INPP5A: variants seen among roughly 807,000 people sequenced by gnomAD.
The protein encoded by INPP5A is inositol polyphosphate-5-phosphatase A.
In INPP5A, 14 loss-of-function variants were observed where a neutral mutation model predicts 65.2. The observed-to-expected ratio is 0.21, with a 90% CI of 0.14 to 0.34. The LOEUF (loss-of-function observed/expected upper bound fraction) is 0.34. Ranked by LOEUF, INPP5A falls within the 10% of genes least tolerant of loss-of-function variation. The pLI is 1.00. For synonymous variants in INPP5A, 207 were observed against 208.3 expected (o/e 0.99, Z 0.05); for missense variants, 431 against 545.6 (o/e 0.79, Z 2.09).
At chr10:132,749,421 C>T (rs1846430801) in intron 9 of INPP5A, 96 bp from the exon 10 acceptor site, 1 of 1,122,646 alleles carries the variant, frequency 8.9e-7, no homozygotes, top group South Asian at 1.4e-5. Context: ...CTGTCTGGAA[C>T]CAGCCATCCT....
At chr10:132,573,921 T>C (rs59993422) in intron 1 of INPP5A, among the ~76,000 whole-genome samples, 5,558 of 106,078 alleles carry the variant, frequency 0.052, 332 homozygotes, top group South Asian at 0.091. Flanking sequence ...GTGTGTGTGC[T>C]GTGTGAGGTT....
rs1257320878 is a variant in INPP5A, at chr10:132,575,205, C to T, written c.76-32710C>T. Among the ~76,000 whole-genome samples the T allele has an allele frequency of 1.3e-5, 2 of 152,212 alleles. No individual in the cohort carries two copies. The highest frequency in any genetic ancestry group is 4.8e-5 in the African/African-American group (2 of 41,444). On this transcript the variant is annotated intron_variant, in intron 1 of 15. Coordinates refer to ENST00000368594, the MANE Select transcript of INPP5A (RefSeq NM_005539.5). This position sits in a 1 kb window ranked among gnomAD's most constrained non-coding sequence, Gnocchi z 5.4. ...AGGCTGGCGTTTGCACCGGCCTGGACACATCGCAACCCTGACCTGTGTGCT... is the reference window on the plus strand; with the variant it reads ...AGGCTGGCGTTTGCACCGGCCTGGATACATCGCAACCCTGACCTGTGTGCT...
chr10:132,762,448 A>T lies in INPP5A; in HGVS notation c.904-3325A>T, dbSNP rs1304983513. ...CACACCAGGAGAAGTGGAGGCGTTC[A>T]GTCAAAGAGCTGGTGGAAAACCCCA... On this transcript the variant is annotated intron_variant, in intron 11 of 15. Coordinates refer to ENST00000368594, the MANE Select transcript of INPP5A (RefSeq NM_005539.5). The surrounding 1 kb of genome is among the most constrained non-coding windows in gnomAD (Gnocchi z 4.6). Among the ~76,000 whole-genome samples, 1 of 152,218 alleles carries T rather than the reference A, an allele frequency of 6.6e-6. No individual in the cohort carries two copies. The highest frequency in any genetic ancestry group is 1.5e-5 in the Non-Finnish European group (1 of 68,040).
At chr10:132,746,217 A>C (rs1846369612) in intron 9 of INPP5A, among the ~76,000 whole-genome samples, 1 of 152,270 alleles carries the variant, frequency 6.6e-6, no homozygotes, top group Non-Finnish European at 1.5e-5. Flanking sequence ...GGCTACAGCC[A>C]GCGAGGATTC....
chr10:132,547,890 A>G lies in INPP5A; in HGVS notation c.75+9719A>G, dbSNP rs543174325. On this transcript the variant is annotated intron_variant, in intron 1 of 15. Coordinates refer to ENST00000368594, the MANE Select transcript of INPP5A (RefSeq NM_005539.5). The surrounding 1 kb of genome is among the most constrained non-coding windows in gnomAD (Gnocchi z 5.5). ...TTTGGCAGCAGCGTCTGGGGTGGGGACCATGGTGTCTTTTTTAATTTTTTT... is the reference window on the plus strand; with the variant it reads ...TTTGGCAGCAGCGTCTGGGGTGGGGGCCATGGTGTCTTTTTTAATTTTTTT... 6.7e-6 allele frequency among the ~76,000 whole-genome samples: 1 copy of G among 149,528 alleles called. No individual in the cohort carries two copies. Among genetic ancestry groups the G allele is most frequent in the Non-Finnish European group, 1.5e-5 (1 of 67,422 alleles).
chr10:132,563,913 C>G (rs1180116268), intron 1 of INPP5A, among the ~76,000 whole-genome samples: 1 of 152,178 alleles, frequency 6.6e-6, no homozygotes, highest in Non-Finnish European at 1.5e-5. Context: ...TACTCTGAGC[C>G]CTGAGCCCTG....
chr10:132,641,036 T>A (rs1158299745), intron 2 of INPP5A, among the ~76,000 whole-genome samples: 1 of 152,244 alleles, frequency 6.6e-6, no homozygotes, highest in East Asian at 1.9e-4. Context: ...TGTCTCTTTG[T>A]GGTATTAGCA....
At chr10:132,769,834 C>T (rs1454361558) in intron 12 of INPP5A, among the ~76,000 whole-genome samples, 4 of 151,732 alleles carry the variant, frequency 2.6e-5, no homozygotes, top group African/African-American at 7.3e-5. Context: ...GTGTGGCTCC[C>T]GGTACAGCCC....
At position 132,593,994 on chromosome 10, in the gene INPP5A, T is replaced by A. The variant is rs545353008; in HGVS notation, c.76-13921T>A. 3.3e-4 allele frequency among the ~76,000 whole-genome samples: 50 copies of A among 152,334 alleles called. 2 individuals carry two copies. In the South Asian group the frequency reaches 9.3e-3, roughly 28 times the overall value. The stretch of plus-strand genomic sequence containing the variant: ...CCTAACAGTGAATCATCCATGTCTG[T>A]ATGTATAGAATAGTCACTCGCTTGC... On this transcript the variant is annotated intron_variant, in intron 1 of 15. Coordinates refer to ENST00000368594, the MANE Select transcript of INPP5A (RefSeq NM_005539.5).
chr10:132,632,020 G>A (rs577963983), intron 2 of INPP5A, among the ~76,000 whole-genome samples: 8 of 152,350 alleles, frequency 5.3e-5, no homozygotes, highest in Admixed American at 5.2e-4. Flanking sequence ...GCTCAGACTC[G>A]TGGGTGGAGA....
intron 1 of INPP5A, among the ~76,000 whole-genome samples, chr10:132,559,754 G>A (rs981538749): frequency 8.5e-5 from 13 of 152,094 alleles, no homozygotes; most frequent in African/African-American, 3.1e-4. Context: ...GTGTGTTCCA[G>A]GGACCTCAGT....
intron 4 of INPP5A, among the ~76,000 whole-genome samples, chr10:132,673,778 A>G (rs568476507): frequency 1.3e-5 from 2 of 152,350 alleles, no homozygotes; most frequent in East Asian, 3.9e-4. Flanking sequence ...CAGTGAGGAC[A>G]AACCTCTGCC....
Position 132,672,285 on chromosome 10 carries a change from C to T in INPP5A, c.307-18107C>T, listed in dbSNP as rs535445394. 1.6e-4 allele frequency among the ~76,000 whole-genome samples: 24 copies of T among 152,114 alleles called. No homozygotes were observed. In the East Asian group the frequency reaches 1.9e-3, roughly 12 times the overall value. ...CTTTATGAAATAATATTTGGGTTGG[C>T]GATTGGTTTTGAAATGTGAGGACAG... is the stretch of plus-strand genomic sequence containing the variant. On this transcript the variant is annotated intron_variant, in intron 4 of 15. Coordinates refer to ENST00000368594, the MANE Select transcript of INPP5A (RefSeq NM_005539.5).
At chr10:132,715,026 C>A (rs916908182) in intron 8 of INPP5A, among the ~76,000 whole-genome samples, 2 of 152,226 alleles carry the variant, frequency 1.3e-5, no homozygotes, top group African/African-American at 4.8e-5. Flanking sequence ...GCCGTGCACA[C>A]CCTTGTGTGG....
At chr10:132,733,572 G>A (rs1243751443) in intron 9 of INPP5A, among the ~76,000 whole-genome samples, 2 of 152,222 alleles carry the variant, frequency 1.3e-5, no homozygotes, top group Non-Finnish European at 2.9e-5. Flanking sequence ...GTTTCTGACT[G>A]TAAAACATTT....
chr10:132,621,588 C>T (rs1039535263), intron 2 of INPP5A, among the ~76,000 whole-genome samples: 1 of 152,094 alleles, frequency 6.6e-6, no homozygotes. Flanking sequence ...TAGCCTTTTA[C>T]TGAATACACA....
At chr10:132,568,951 G>A (rs1467531059) in intron 1 of INPP5A, among the ~76,000 whole-genome samples, 2 of 136,684 alleles carry the variant, frequency 1.5e-5, no homozygotes, top group African/African-American at 2.8e-5. Flanking sequence ...AATCTCGCTC[G>A]GTCACCCAGG....
intron 4 of INPP5A, among the ~76,000 whole-genome samples, chr10:132,686,604 C>T (rs559530405): frequency 6.6e-6 from 1 of 152,194 alleles, no homozygotes; most frequent in Non-Finnish European, 1.5e-5. Flanking sequence ...TTTAAATGTT[C>T]ATTACAGCTA....
rs751634486 is a variant in INPP5A at position 132,644,638 on chromosome 10, G to A, written c.118-1230G>A. 3.9e-5 allele frequency among the ~76,000 whole-genome samples: 6 copies of A among 152,184 alleles called. No homozygotes were observed. The highest frequency in any genetic ancestry group is 7.4e-5 in the Non-Finnish European group (5 of 68,026). ...GACAGCACCGGCCCCTTCTCTCCCC[G>A]CCTTTCCGCTCCTCCAAGGAAGCTC... On this transcript the variant is annotated intron_variant, in intron 2 of 15. Transcript: ENST00000368594. The surrounding 1 kb of genome is among the most constrained non-coding windows in gnomAD (Gnocchi z 6.5).
Sources: gnomAD v4.1 joint callset for allele counts (sites outside exome capture counted in the v4.1 genomes callset) on GRCh38, gnomAD v4.1.1 for gene constraint, Gnocchi (gnomAD v3.1) non-coding constraint, MANE v1.5 for transcripts, NCBI Gene and HGNC (gene_info 2026-07-23, HGNC 2026-07-21) for gene names.